FKRP: variants seen among roughly 807,000 people sequenced by gnomAD.
FKRP encodes the protein fukutin related protein, also known as ribitol 5-phosphate transferase FKRP.
A neutral mutation model predicts 30.6 loss-of-function variants in FKRP; 25 were observed. That is an observed-to-expected ratio of 0.82 (90% CI 0.60 to 1.14). The LOEUF is 1.14. Ranked by LOEUF, FKRP falls within the 50% of genes most tolerant of loss-of-function variation. FKRP has a pLI of 0.00. For missense variants in FKRP, 771 were observed against 727.8 expected (o/e 1.06, Z -0.68); for synonymous variants, 358 against 342.5 (o/e 1.05, Z -0.50).
At position 46,755,793 on chromosome 19, in the gene FKRP, T is replaced by C; in HGVS notation, c.343T>C (p.Ser115Pro). The C allele has an allele frequency of 6.6e-7, 1 of 1,519,614 alleles. No individual in the cohort carries two copies. The highest frequency in any genetic ancestry group is 8.8e-7 in the Non-Finnish European group (1 of 1,136,604). 94.1% of individuals were successfully genotyped at this position (1,519,614 alleles called of 1,614,324 possible). The change falls in exon 4 of 4, where the codon TCG becomes CCG. Residue 115 changes from serine (S) to proline (P), a missense_variant. By Grantham distance (74) the Ser-to-Pro change is moderately conservative (BLOSUM62 -1). Transcript: ENST00000318584. ...CGCCCTGGACCGGCCAGCCGCAGCC[T>C]CGCGCCCGGAGACCTACGTGGCCAC... ...QPALDRPAAASRPETYVATEF... is the reference protein window; with the variant it reads ...QPALDRPAAAPRPETYVATEF...
chr19:46,756,369 T>C lies in FKRP; in HGVS notation c.919T>C (p.Tyr307His). Reference sequence around the variant, plus strand: ...AACCGTGGTGGGCGACACGCCCGCCTACCTCTACGAGGAGCGCTGGACGCC... The same window carrying C: ...AACCGTGGTGGGCGACACGCCCGCCCACCTCTACGAGGAGCGCTGGACGCC... ...FGTVVGDTPA[Y>H]LYEERWTPPC... The change falls in exon 4 of 4, where the codon TAC (tyrosine) becomes CAC (histidine). Residue 307 changes from tyrosine (Y) to histidine (H), a missense_variant. By Grantham distance (83) the Tyr-to-His change is moderately conservative. Transcript: ENST00000318584. The surrounding 1 kb of genome is among the most constrained non-coding windows in gnomAD (Gnocchi z 6.6). 1 of 1,562,144 alleles carries C rather than the reference T, an allele frequency of 6.4e-7. No individual in the cohort carries two copies. The highest frequency in any genetic ancestry group is 2.4e-5 in the East Asian group (1 of 42,188).
In FKRP at chr19:46,756,629, A is replaced by G. The variant is rs145894568; in HGVS notation, c.1179A>G (p.Val393=). The G allele has an allele frequency of 3.1e-4, 498 of 1,613,082 alleles. 1 individual carries two copies. The African/African-American group carries it at 5.7e-3, about 18-fold the overall frequency. Residue 393 remains valine (V), a synonymous_variant, in exon 4 of 4, where the codon GTA becomes GTG. Coordinates refer to ENST00000318584, the MANE Select transcript of FKRP (RefSeq NM_024301.5). This position sits in a 1 kb window ranked among gnomAD's most constrained non-coding sequence, Gnocchi z 6.6. ...CGGTGGTGGATGAGCGCGGCTTCGT[A>G]TGGGAGAAGGCGGTCGAGGGCGACT... The part of the protein sequence containing the change: ...AGSVVDERGF[V]WEKAVEGDFF...
In FKRP at chr19:46,757,687, A is replaced by T. The variant is rs1428985181; in HGVS notation, c.*749A>T. ...GGGAGAGCCCTGTGACCTGCATGCTACTCTTAACTGTTCTATTCAAGACTG... is the reference window on the plus strand; with the variant it reads ...GGGAGAGCCCTGTGACCTGCATGCTTCTCTTAACTGTTCTATTCAAGACTG... On this transcript the variant is annotated 3_prime_UTR_variant, in exon 4 of 4. Transcript: ENST00000318584. 6.0e-6 allele frequency: 1 copy of T among 167,940 alleles called. No homozygotes were observed. Among genetic ancestry groups the T allele is most frequent in the Non-Finnish European group, 1.5e-5 (1 of 68,888 alleles). The allele number at this position is 167,940 out of a possible 1,614,324, so 10.4% of individuals were successfully genotyped here.
chr19:46,756,995 T>G lies in FKRP; in HGVS notation c.*57T>G. The G allele has an allele frequency of 1.0e-5, 16 of 1,600,386 alleles. No individual in the cohort carries two copies. The highest frequency in any genetic ancestry group is 1.3e-5 in the African/African-American group (1 of 74,768). ...GGTCTGTCTGGATGTGGAGAAGCTC[T>G]GTGTGAGCGGTGAGGGGTGGAGGGA... On this transcript the variant is annotated 3_prime_UTR_variant, in exon 4 of 4. Transcript: ENST00000318584. The surrounding 1 kb of genome is among the most constrained non-coding windows in gnomAD (Gnocchi z 6.6).
intron 3 of FKRP, among the ~76,000 whole-genome samples, chr19:46,750,483 C>T (rs949861903): frequency 6.6e-5 from 10 of 152,194 alleles, no homozygotes; most frequent in African/African-American, 2.2e-4. Flanking sequence ...GCGGAGACCT[C>T]GGTTCTCGAC....
Position 46,756,101 on chromosome 19 carries a change from G to T in FKRP, c.651G>T (p.Pro217=), listed in dbSNP as rs1057522308. 4.6e-6 allele frequency: 7 copies of T among 1,533,596 alleles called. No homozygotes were observed. The African/African-American group carries it at 5.7e-5, about 12-fold the overall frequency. The allele number at this position is 1,533,596 out of a possible 1,614,324, so 95.0% of individuals were successfully genotyped here. ...ACCTCTCGGCGCCCCTGGCCCGGCCGGTGGGCACCAGCCTCTTTCTGCAGA... is the reference window on the plus strand; with the variant it reads ...ACCTCTCGGCGCCCCTGGCCCGGCCTGTGGGCACCAGCCTCTTTCTGCAGA... ...LFNLSAPLAR[P]VGTSLFLQTA... The change falls in exon 4 of 4, where the codon CCG becomes CCT. Residue 217 remains proline, a synonymous_variant. Coordinates refer to ENST00000318584, the MANE Select transcript of FKRP (RefSeq NM_024301.5). This position sits in a 1 kb window ranked among gnomAD's most constrained non-coding sequence, Gnocchi z 6.6.
rs755990039 is a variant in FKRP at position 46,746,104 on chromosome 19, G to C, written c.-253+14G>C. 2.1e-6 allele frequency: 3 copies of C among 1,421,156 alleles called. No individual in the cohort carries two copies. The highest frequency in any genetic ancestry group is 2.8e-6 in the Non-Finnish European group (3 of 1,087,992). The allele number at this position is 1,421,156 out of a possible 1,614,324, so 88.0% of individuals were successfully genotyped here. A position where few individuals can be genotyped will look rare whatever the true frequency, so the allele number is the denominator to read the frequency against. On this transcript the variant is annotated intron_variant, in intron 1 of 3. Coordinates refer to ENST00000318584, the MANE Select transcript of FKRP (RefSeq NM_024301.5). ...CGGCGGCAGCGGGTGAGGCCGGGCC[G>C]GGCCGGGCCGGGTTGGGGGTCGGGG... is the stretch of plus-strand genomic sequence containing the variant.
Position 46,755,793 on chromosome 19 carries a change from TCGCGC to T in FKRP, c.345_349del (p.Arg116GlyfsTer14), listed in dbSNP as rs1555738311. On this transcript the variant is annotated frameshift_variant, in exon 4 of 4. Transcript: ENST00000318584. LOFTEE classifies it high-confidence loss of function. ...CGCCCTGGACCGGCCAGCCGCAGCC[TCGCGC>T]CCGGAGACCTACGTGGCCACCGAGT... The T allele has an allele frequency of 6.6e-7, 1 of 1,519,614 alleles. No individual in the cohort carries two copies. Among genetic ancestry groups the T allele is most frequent in the Middle Eastern group, 1.8e-4 (1 of 5,614 alleles). The allele number at this position is 1,519,614 out of a possible 1,614,324, so 94.1% of individuals were successfully genotyped here.
chr19:46,753,236 C>T (rs935156750), intron 3 of FKRP, among the ~76,000 whole-genome samples: 4 of 149,258 alleles, frequency 2.7e-5, no homozygotes, highest in Admixed American at 6.7e-5. Flanking sequence ...GAGGCCACGG[C>T]GGGTGGATCA....
Position 46,755,744 on chromosome 19 carries a change from C to T in FKRP, c.294C>T (p.Asn98=). The T allele has an allele frequency of 6.4e-7, 1 of 1,559,436 alleles. No homozygotes were observed. The highest frequency in any genetic ancestry group is 2.4e-5 in the East Asian group (1 of 42,054). ...CCCTGGCCCTGCCCCGCATCCCCAA[C>T]GTGCGTCTGGCGCTGCTCCAGCCCG... The part of the protein sequence containing the change: ...YPPLALPRIP[N]VRLALLQPAL... Residue 98 remains asparagine, a synonymous_variant, in exon 4 of 4, where the codon AAC becomes AAT. Transcript: ENST00000318584.
At position 46,756,511 on chromosome 19, in the gene FKRP, G is replaced by C; in HGVS notation, c.1061G>C (p.Gly354Ala). The C allele has an allele frequency of 1.3e-6, 2 of 1,585,928 alleles. No homozygotes were observed. The highest frequency in any genetic ancestry group is 2.3e-5 in the South Asian group (2 of 87,152). ...GGSLLGAARH[G>A]DIIPWDYDVD... ...TCACTGCTGGGGGCCGCCCGCCACGGGGACATCATCCCATGGGACTACGAC... is the reference window on the plus strand; with the variant it reads ...TCACTGCTGGGGGCCGCCCGCCACGCGGACATCATCCCATGGGACTACGAC... The change falls in exon 4 of 4, where the codon GGG (glycine) becomes GCG (alanine). Residue 354 changes from glycine (G) to alanine (A), a missense_variant. Transcript: ENST00000318584. This position sits in a 1 kb window ranked among gnomAD's most constrained non-coding sequence, Gnocchi z 6.6.
Position 46,750,858 on chromosome 19 carries a change from C to T in FKRP, c.-40+2193C>T, listed in dbSNP as rs145695484. Among the ~76,000 whole-genome samples the T allele has an allele frequency of 3.4e-3, 521 of 152,192 alleles. 1 individual carries two copies. Among genetic ancestry groups the T allele is most frequent in the African/African-American group, 0.012 (495 of 41,532 alleles). On this transcript the variant is annotated intron_variant, in intron 3 of 3. Transcript: ENST00000318584. ...TTCCTTATCTTAATAATTCAAGTCA[C>T]TCATTCATTCAACACGTATTTATTG...
In FKRP at chr19:46,758,452, G is replaced by GTAA. The variant is rs536330892; in HGVS notation, c.*1518_*1520dup. ...TACAGATACTATTATCTGTATGTTA[G>GTAA]TAATAAAGCTTAAATTATTCCATTT... On this transcript the variant is annotated 3_prime_UTR_variant, in exon 4 of 4. Coordinates refer to ENST00000318584, the MANE Select transcript of FKRP (RefSeq NM_024301.5). The GTAA allele has an allele frequency of 1.0e-4, 17 of 166,906 alleles. No individual in the cohort carries two copies. The South Asian group carries it at 1.0e-3, about 10-fold the overall frequency. 10.3% of individuals were successfully genotyped at this position (166,906 alleles called of 1,614,324 possible). A position where few individuals can be genotyped will look rare whatever the true frequency, so the allele number is the denominator to read the frequency against.
chr19:46,749,759 C>T (rs192104541), intron 3 of FKRP, among the ~76,000 whole-genome samples: 1 of 151,834 alleles, frequency 6.6e-6, no homozygotes. Flanking sequence ...GCTCTGTCAC[C>T]CAGGCTGGAG....
intron 1 of FKRP, chr19:46,746,437 C>T (rs1386181892): frequency 3.9e-6 from 4 of 1,013,042 alleles, no homozygotes; most frequent in African/African-American, 1.8e-5. Flanking sequence ...TCATGGAGGC[C>T]CCGGGGCCGG....
intron 3 of FKRP, among the ~76,000 whole-genome samples, chr19:46,753,157 C>T (rs1254633429): frequency 6.8e-6 from 1 of 146,398 alleles, no homozygotes; most frequent in Non-Finnish European, 1.5e-5. Context: ...AGTGAGACTC[C>T]GTCTCAAAAA....
In FKRP at chr19:46,757,507, G is replaced by A. The variant is rs2054952828; in HGVS notation, c.*569G>A. The A allele has an allele frequency of 1.1e-5, 2 of 177,010 alleles. No individual in the cohort carries two copies. Among genetic ancestry groups the A allele is most frequent in the Admixed American group, 1.1e-4 (2 of 17,994 alleles). 11.0% of individuals were successfully genotyped at this position (177,010 alleles called of 1,614,324 possible). A position where few individuals can be genotyped will look rare whatever the true frequency, so the allele number is the denominator to read the frequency against. ...AGGGCGCGCCGGTCCCGCTCCTGGT[G>A]GCCCACTGTGGCTGCCCGGGCGACA... is the stretch of plus-strand genomic sequence containing the variant. On this transcript the variant is annotated 3_prime_UTR_variant, in exon 4 of 4. Coordinates refer to ENST00000318584, the MANE Select transcript of FKRP (RefSeq NM_024301.5).
intron 3 of FKRP, chr19:46,754,412 G>A (rs2054862832): frequency 8.4e-6 from 1 of 118,952 alleles, no homozygotes; most frequent in East Asian, 2.3e-4. Flanking sequence ...TTTATTTTTT[G>A]AGACAGTCTC....
Position 46,755,836 on chromosome 19 carries a change from T to C in FKRP, c.386T>C (p.Val129Ala). 6.7e-7 allele frequency: 1 copy of C among 1,503,322 alleles called. No homozygotes were observed. Among genetic ancestry groups the C allele is most frequent in the East Asian group, 2.5e-5 (1 of 40,446 alleles). 93.1% of individuals were successfully genotyped at this position (1,503,322 alleles called of 1,614,324 possible). The change falls in exon 4 of 4, where the codon GTA (valine) becomes GCA (alanine). Residue 129 changes from valine (V) to alanine (A), a missense_variant. By Grantham distance (64) the Val-to-Ala change is moderately conservative. Transcript: ENST00000318584. ...TYVATEFVALVPDGARAEAPG... is the reference protein window; with the variant it reads ...TYVATEFVALAPDGARAEAPG... Reference sequence around the variant, plus strand: ...GTGGCCACCGAGTTTGTGGCCCTAGTACCTGATGGGGCGCGGGCTGAGGCA... The same window carrying C: ...GTGGCCACCGAGTTTGTGGCCCTAGCACCTGATGGGGCGCGGGCTGAGGCA...
Sources: allele counts gnomAD v4.1 joint callset (sites outside exome capture counted in the v4.1 genomes callset), GRCh38; gene constraint gnomAD v4.1.1; non-coding constraint Gnocchi (gnomAD v3.1); transcripts MANE v1.5; gene names NCBI Gene and HGNC (gene_info 2026-07-23, HGNC 2026-07-21).